BICRAL: variants seen among roughly 807,000 people sequenced by gnomAD.
The protein encoded by BICRAL is BICRA like chromatin remodeling complex associated protein, also known as BRD4-interacting chromatin-remodeling complex-associated protein-like.
Under a neutral mutation model 91.8 loss-of-function variants are expected in BICRAL, and 8 were observed. The observed-to-expected ratio is 0.09, with a 90% CI of 0.05 to 0.16. The LOEUF (loss-of-function observed/expected upper bound fraction) is 0.16. BICRAL is among the 10% of genes least tolerant of loss of function. The probability of loss-of-function intolerance (pLI) is 1.00; values close to 1 mark genes in which losing one functional copy is unlikely to be tolerated. For missense variants in BICRAL, 1,038 were observed against 1,310.9 expected (o/e 0.79, Z 3.21); for synonymous variants, 445 against 491.1 (o/e 0.91, Z 1.24).
intron 2 of BICRAL, among the ~76,000 whole-genome samples, chr6:42,812,964 G>T (rs1175900812): frequency 1.3e-5 from 2 of 152,196 alleles, no homozygotes; most frequent in Non-Finnish European, 2.9e-5. Flanking sequence ...GAGCCCAGGA[G>T]GTCGAGGCTG....
chr6:42,825,746 T>C (rs1764279647), intron 5 of BICRAL, among the ~76,000 whole-genome samples: 1 of 149,946 alleles, frequency 6.7e-6, no homozygotes, highest in Admixed American at 6.7e-5. Flanking sequence ...CCAAGACATG[T>C]ATTAACCTCA....
rs1464120320 is a variant in BICRAL at position 42,852,821 on chromosome 6, G to C, written c.1945+624G>C. Among the ~76,000 whole-genome samples the C allele has an allele frequency of 2.6e-5, 4 of 151,918 alleles. No homozygotes were observed. The East Asian group carries it at 7.7e-4, about 29-fold the overall frequency. On this transcript the variant is annotated intron_variant, in intron 7 of 12. Coordinates refer to ENST00000314073, the MANE Select transcript of BICRAL (RefSeq NM_001393499.1). ...TCTTAGAAACAATAAATTGAGGCCG[G>C]GCACGGTGGCTCACACCTGTAATCC...
chr6:42,759,828 T>G (rs1762519109), intron 1 of BICRAL, among the ~76,000 whole-genome samples: 1 of 152,186 alleles, frequency 6.6e-6, no homozygotes, highest in South Asian at 2.1e-4. Context: ...GTGAAGTCAG[T>G]ATCTGTTTAC....
intron 1 of BICRAL, among the ~76,000 whole-genome samples, chr6:42,806,336 G>T (rs1347005756): frequency 2.0e-5 from 3 of 152,066 alleles, no homozygotes; most frequent in Non-Finnish European, 2.9e-5. Flanking sequence ...CAGGGTTGGG[G>T]CAGGGGAGGA....
chr6:42,845,248 T>TTTTTTTTTA (rs761742281), intron 6 of BICRAL, among the ~76,000 whole-genome samples: 3 of 105,398 alleles, frequency 2.8e-5, no homozygotes, highest in Non-Finnish European at 3.7e-5. Flanking sequence ...TTTTTTTTTT[T>TTTTTTTTTA]AGACAGAGTT....
At chr6:42,852,554 C>A in intron 7 of BICRAL, 1 of 378,180 alleles carries the variant, frequency 2.6e-6, no homozygotes, top group Non-Finnish European at 5.2e-6. Context: ...CCCAGCTACT[C>A]AGGAGGCTGA....
At chr6:42,802,622 G>A (rs755731783) in intron 1 of BICRAL, among the ~76,000 whole-genome samples, 1 of 152,068 alleles carries the variant, frequency 6.6e-6, no homozygotes, top group Non-Finnish European at 1.5e-5. Context: ...CTAATTTTTT[G>A]TATTTTTAGT....
chr6:42,784,850 G>A (rs781590197), intron 1 of BICRAL, among the ~76,000 whole-genome samples: 1 of 151,988 alleles, frequency 6.6e-6, no homozygotes, highest in Non-Finnish European at 1.5e-5. Flanking sequence ...CCAACTTCTT[G>A]ATGTTCAATA....
intron 3 of BICRAL, among the ~76,000 whole-genome samples, 174 bp downstream of exon 3, chr6:42,822,237 T>A (rs184988349): frequency 2.6e-5 from 4 of 151,906 alleles, no homozygotes; most frequent in Admixed American, 2.6e-4. Context: ...AATTCAGTAA[T>A]TCTTTTTTTT....
intron 1 of BICRAL, among the ~76,000 whole-genome samples, chr6:42,766,497 C>A (rs1762635225): frequency 6.6e-6 from 1 of 152,148 alleles, no homozygotes; most frequent in Admixed American, 6.6e-5. Flanking sequence ...AATATTTGTT[C>A]ATCTAAACTT....
At chr6:42,840,672 G>C (rs926606109) in intron 6 of BICRAL, among the ~76,000 whole-genome samples, 5 of 152,060 alleles carry the variant, frequency 3.3e-5, no homozygotes, top group Non-Finnish European at 4.4e-5. Flanking sequence ...TAGTAGCTGG[G>C]ATTACAGGCG....
At chr6:42,824,407 C>T (rs1365144285) in intron 5 of BICRAL, among the ~76,000 whole-genome samples, 2 of 152,042 alleles carry the variant, frequency 1.3e-5, no homozygotes, top group African/African-American at 4.8e-5. Flanking sequence ...TGCAGTGGCA[C>T]GATCTCGTCT....
rs1264962445 is a variant in BICRAL, at chr6:42,808,577, T to A, written c.-101-1729T>A. Among the ~76,000 whole-genome samples the A allele has an allele frequency of 3.3e-5, 5 of 152,232 alleles. No individual in the cohort carries two copies. The East Asian group carries it at 9.6e-4, about 29-fold the overall frequency. On this transcript the variant is annotated intron_variant, in intron 1 of 12. Transcript: ENST00000314073. ...TCATTCCTTTATAATAGATGACAAG[T>A]CATGGACTTCTGGGAGTTTGGGAGC...
chr6:42,794,170 G>A (rs1003719514), intron 1 of BICRAL, among the ~76,000 whole-genome samples: 4 of 151,928 alleles, frequency 2.6e-5, no homozygotes, highest in East Asian at 1.9e-4. Flanking sequence ...ATGAGCCACC[G>A]CTCCTAGCTA....
chr6:42,773,863 T>C (rs1762776263), intron 1 of BICRAL, among the ~76,000 whole-genome samples: 1 of 152,218 alleles, frequency 6.6e-6, no homozygotes, highest in South Asian at 2.1e-4. Context: ...TTTGACCTCC[T>C]GGGCTTAAGC....
upstream of BICRAL, among the ~76,000 whole-genome samples, chr6:42,780,960 C>T (rs931888686): frequency 1.3e-5 from 2 of 152,060 alleles, no homozygotes; most frequent in Non-Finnish European, 2.9e-5. Flanking sequence ...TGGTCTCGAA[C>T]TGCTGACCTC....
In BICRAL at chr6:42,853,639, G is replaced by A; in HGVS notation, c.1947G>A (p.Gly649=). Residue 649 remains glycine (G), a splice_region_variant and synonymous_variant, in exon 8 of 13, where the codon GGG becomes GGA. Coordinates refer to ENST00000314073, the MANE Select transcript of BICRAL (RefSeq NM_001393499.1). ...TGTCTCATGTATTAATTCTAATAGG[G>A]CAGGATTCTGGAAGCAAAGTTATAT... ...IPGLLSTTLP[G]QDSGSKVISA... 6.2e-7 allele frequency: 1 copy of A among 1,609,950 alleles called. No individual in the cohort carries two copies. The highest frequency in any genetic ancestry group is 1.7e-4 in the Middle Eastern group (1 of 6,058).
chr6:42,781,606 T>G (rs1762910843), upstream of BICRAL, among the ~76,000 whole-genome samples: 1 of 147,662 alleles, frequency 6.8e-6, no homozygotes, highest in Non-Finnish European at 1.5e-5. Context: ...GGTGTGTGTG[T>G]GTGTGTGTGT....
chr6:42,854,423 A>G (rs950325478), intron 8 of BICRAL, among the ~76,000 whole-genome samples: 2 of 152,156 alleles, frequency 1.3e-5, no homozygotes, highest in East Asian at 1.9e-4. Context: ...GGCCCAAGCC[A>G]TCCACCCACC....
Sources: allele counts gnomAD v4.1 joint callset (sites outside exome capture counted in the v4.1 genomes callset), GRCh38; gene constraint gnomAD v4.1.1; transcripts MANE v1.5; gene names NCBI Gene and HGNC (gene_info 2026-07-23, HGNC 2026-07-21).